Variants in NIPA1 observed in about 807,000 individuals in gnomAD.
NIPA1 encodes the protein NIPA magnesium transporter 1, also known as magnesium transporter NIPA1.
NIPA1 carries 13 observed loss-of-function variants against 23.9 expected under a neutral mutation model. That is an observed-to-expected ratio of 0.54 (90% CI 0.35 to 0.87). The LOEUF is 0.87. Ranked by LOEUF, NIPA1 falls within the 40% of genes least tolerant of loss-of-function variation. The pLI, the probability that NIPA1 is intolerant of heterozygous loss-of-function variation, is 0.01. For synonymous variants in NIPA1, 234 were observed against 202.9 expected, an observed-to-expected ratio of 1.15 and a Z score of -1.30; for missense variants, 362 against 429.7, an observed-to-expected ratio of 0.84 and a Z score of 1.39.
chr15:22,797,362 A>T (rs1213577990), intron 1 of NIPA1, among the ~76,000 whole-genome samples: 1 of 151,964 alleles, frequency 6.6e-6, no homozygotes, highest in African/African-American at 2.4e-5. Flanking sequence ...GGCGCCCGCC[A>T]TCACACCCAG....
chr15:22,799,593 T>C (rs528152015), intron 1 of NIPA1, among the ~76,000 whole-genome samples: 29 of 151,986 alleles, frequency 1.9e-4, no homozygotes, highest in African/African-American at 5.8e-4. Flanking sequence ...CCATCCTGGC[T>C]AACACGGTGA....
Position 22,824,149 on chromosome 15 carries a change from C to T in NIPA1, c.900C>T (p.Thr300=), listed in dbSNP as rs1363040527. The change falls in exon 5 of 5, where the codon ACC becomes ACT. Residue 300 remains threonine (T), a synonymous_variant. Coordinates refer to ENST00000337435, the MANE Select transcript of NIPA1 (RefSeq NM_144599.5). This position sits in a 1 kb window ranked among gnomAD's most constrained non-coding sequence, Gnocchi z 4.1. ...DFLGMACGFT[T]VSVGIVLIQV... ...TGGGGATGGCCTGTGGATTCACGACCGTCTCCGTGGGGATTGTCCTTATAC... is the reference window on the plus strand; with the variant it reads ...TGGGGATGGCCTGTGGATTCACGACTGTCTCCGTGGGGATTGTCCTTATAC... 1.6e-5 allele frequency: 26 copies of T among 1,613,666 alleles called. No individual in the cohort carries two copies. Among genetic ancestry groups the T allele is most frequent in the Middle Eastern group, 3.3e-4 (2 of 6,062 alleles).
At chr15:22,813,370 G>T (rs1373544401) in intron 3 of NIPA1, among the ~76,000 whole-genome samples, 1 of 152,016 alleles carries the variant, frequency 6.6e-6, no homozygotes, top group Non-Finnish European at 1.5e-5. Flanking sequence ...TTCCTATAAG[G>T]TTGCCCAGTT....
At position 22,812,451 on chromosome 15, in the gene NIPA1, A is replaced by G. The variant is rs190934577; in HGVS notation, c.317+198A>G. 3.2e-3 allele frequency among the ~76,000 whole-genome samples: 483 copies of G among 152,282 alleles called. 2 individuals carry two copies. Among genetic ancestry groups the G allele is most frequent in the African/African-American group, 0.011 (449 of 41,548 alleles). Reference sequence around the variant, plus strand: ...TGAATTATTTGAGGTCACGAGTTCAAGACCAGCCTGGCCAACATGGTGAAA... The same window carrying G: ...TGAATTATTTGAGGTCACGAGTTCAGGACCAGCCTGGCCAACATGGTGAAA... On this transcript the variant is annotated intron_variant, in intron 3 of 4. Transcript: ENST00000337435.
At chr15:22,805,994 G>T (rs1325643617) in intron 1 of NIPA1, among the ~76,000 whole-genome samples, 1 of 151,998 alleles carries the variant, frequency 6.6e-6, no homozygotes, top group African/African-American at 2.4e-5. Flanking sequence ...CGCGATCTCG[G>T]CTCACTGCAA....
intron 1 of NIPA1, among the ~76,000 whole-genome samples, chr15:22,809,814 C>T (rs948541530): frequency 6.6e-6 from 1 of 150,976 alleles, no homozygotes; most frequent in African/African-American, 2.4e-5. Context: ...CCGAGGTGGG[C>T]GGATCACCTG....
intron 1 of NIPA1, among the ~76,000 whole-genome samples, chr15:22,798,841 A>C (rs1018065585): frequency 6.7e-6 from 1 of 150,130 alleles, no homozygotes; most frequent in Admixed American, 6.6e-5. Context: ...GTCTCAAAAA[A>C]AAAAAAAAAA....
chr15:22,804,529 C>T (rs1595636927), intron 1 of NIPA1, among the ~76,000 whole-genome samples: 1 of 152,098 alleles, frequency 6.6e-6, no homozygotes, highest in Admixed American at 6.6e-5. Flanking sequence ...AAATCTTTGT[C>T]TCTCCTCAGG....
chr15:22,822,908 G>GC (rs1895568178), intron 4 of NIPA1, among the ~76,000 whole-genome samples: 1 of 91,442 alleles, frequency 1.1e-5, no homozygotes, highest in Non-Finnish European at 2.0e-5. Context: ...GCTGTAAATG[G>GC]TTTTTTTTTT....
intron 1 of NIPA1, among the ~76,000 whole-genome samples, chr15:22,797,403 G>A (rs1393181570): frequency 9.2e-5 from 14 of 151,732 alleles, no homozygotes; most frequent in Non-Finnish European, 1.2e-4. Context: ...GAGTAGAGAC[G>A]GGGTTTCACC....
Position 22,816,485 on chromosome 15 carries a change from C to CTT in NIPA1, c.318-3828_318-3827insTT, listed in dbSNP as rs1566786330. ...TACAGGTGTGAGCCACCGCACCCAG[C>CTT]CTTTTTTTTTTTTTTTTTTTTTTTC... On this transcript the variant is annotated intron_variant, in intron 3 of 4. Transcript: ENST00000337435. Among the ~76,000 whole-genome samples the CTT allele has an allele frequency of 7.0e-3, 369 of 52,506 alleles. 21 individuals carry two copies. The highest frequency in any genetic ancestry group is 0.022 in the Middle Eastern group (1 of 46). The allele number at this position is 52,506 out of a possible 152,430, so 34.4% of individuals were successfully genotyped here.
intron 1 of NIPA1, among the ~76,000 whole-genome samples, chr15:22,788,923 A>AAAAAAAAAAAAT (rs1460519718): frequency 4.0e-5 from 6 of 150,638 alleles, no homozygotes; most frequent in African/African-American, 1.5e-4. Context: ...CTGTCTTAAA[A>AAAAAAAAAAAAT]AAAAAAAAAA....
chr15:22,793,019 C>T (rs1238440008), intron 1 of NIPA1, among the ~76,000 whole-genome samples: 3 of 152,112 alleles, frequency 2.0e-5, no homozygotes, highest in Non-Finnish European at 4.4e-5. Flanking sequence ...CAAGATCACA[C>T]CACTGCACTC....
intron 1 of NIPA1, among the ~76,000 whole-genome samples, chr15:22,787,182 G>T (rs903067478): frequency 4.7e-4 from 71 of 152,178 alleles, no homozygotes; most frequent in African/African-American, 3.1e-4. Flanking sequence ...GCCCCGCGCC[G>T]CCCGGCAGCC....
chr15:22,788,520 G>T (rs1894760469), intron 1 of NIPA1, among the ~76,000 whole-genome samples: 1 of 108,758 alleles, frequency 9.2e-6, no homozygotes, highest in African/African-American at 2.9e-5. Flanking sequence ...AAAAAATCTT[G>T]CAGTACACCT....
chr15:22,824,353 G>A lies in NIPA1; in HGVS notation c.*114G>A, dbSNP rs1177511366. ...TCATGGTGTTAGAATTGACTGGATA[G>A]TAACAGGTGGTCTGGTGGATAGCGG... On this transcript the variant is annotated 3_prime_UTR_variant, in exon 5 of 5. Coordinates refer to ENST00000337435, the MANE Select transcript of NIPA1 (RefSeq NM_144599.5). The surrounding 1 kb of genome is among the most constrained non-coding windows in gnomAD (Gnocchi z 4.1). The A allele has an allele frequency of 1.8e-5, 17 of 957,656 alleles. No homozygotes were observed. The highest frequency in any genetic ancestry group is 2.5e-5 in the Non-Finnish European group (15 of 596,086). 59.3% of individuals were successfully genotyped at this position (957,656 alleles called of 1,614,324 possible). A position where few individuals can be genotyped will look rare whatever the true frequency, so the allele number is the denominator to read the frequency against.
chr15:22,799,553 T>C (rs570039375), intron 1 of NIPA1, among the ~76,000 whole-genome samples: 38 of 151,858 alleles, frequency 2.5e-4, no homozygotes, highest in East Asian at 7.8e-4. Context: ...GAGGCCAAGG[T>C]GGGCAGATCA....
At chr15:22,791,398 T>C (rs1361334392) in intron 1 of NIPA1, among the ~76,000 whole-genome samples, 3 of 151,846 alleles carry the variant, frequency 2.0e-5, no homozygotes, top group African/African-American at 7.3e-5. Flanking sequence ...AGATTCTAGA[T>C]AGTCTCATCT....
chr15:22,786,282 G>C (rs1204971544), upstream of NIPA1: 1 of 152,236 alleles, frequency 6.6e-6, no homozygotes, highest in African/African-American at 2.4e-5. Flanking sequence ...GAGGCTCTTC[G>C]GGGACCGCTG....
Sources: gnomAD v4.1 joint callset for allele counts (sites outside exome capture counted in the v4.1 genomes callset) on GRCh38, gnomAD v4.1.1 for gene constraint, Gnocchi (gnomAD v3.1) non-coding constraint, MANE v1.5 for transcripts, NCBI Gene and HGNC (gene_info 2026-07-23, HGNC 2026-07-21) for gene names.